The following DIMT1 variants were observed in gnomAD, a reference collection of about 807,000 sequenced individuals.
The protein encoded by DIMT1 is dimethyladenosine transferase.
In DIMT1, 36 loss-of-function variants were observed where a neutral mutation model predicts 43.2. The ratio of observed to expected loss-of-function variants is 0.83; its 90% CI spans 0.64 to 1.10. The LOEUF (loss-of-function observed/expected upper bound fraction) is 1.10, where lower values mean the gene tolerates loss of function less well. Ranked by LOEUF, DIMT1 falls within the 50% of genes least tolerant of loss-of-function variation. DIMT1 has a pLI of 0.00. For missense variants in DIMT1, 341 were observed against 385.3 expected (o/e 0.88, Z 0.96); for synonymous variants, 126 against 130.3 (o/e 0.97, Z 0.22).
At chr5:62,403,171 C>T in intron 2 of DIMT1, 102 bp downstream of exon 2, 1 of 1,000,290 alleles carries the variant, frequency 1.0e-6, no homozygotes, top group Non-Finnish European at 1.5e-6. Context: ...CAAATATTTA[C>T]AGAGCATCTA....
At chr5:62,402,220 A>G in intron 2 of DIMT1, 98 bp from the exon 3 acceptor site, 1 of 1,196,618 alleles carries the variant, frequency 8.4e-7, no homozygotes, top group Non-Finnish European at 1.2e-6. Context: ...CTCCGATAAG[A>G]GCTCTTAATC....
chr5:62,403,824 G>A lies in DIMT1; in HGVS notation c.-52C>T, dbSNP rs1263926265. On this transcript the variant is annotated 5_prime_UTR_variant, in exon 1 of 12. Coordinates refer to ENST00000199320, the MANE Select transcript of DIMT1 (RefSeq NM_014473.4). ...CGGGACGTCAAGGAGGACCAAAGAG[G>A]GCTAGCGTGAGAAAGCCACCACGTG... 6 of 1,573,792 alleles carry A rather than the reference G, an allele frequency of 3.8e-6. No homozygotes were observed. The highest frequency in any genetic ancestry group is 5.2e-6 in the Non-Finnish European group (6 of 1,156,480).
intron 6 of DIMT1, among the ~76,000 whole-genome samples, chr5:62,396,486 C>T (rs1742501311): frequency 6.6e-6 from 1 of 152,032 alleles, no homozygotes; most frequent in African/African-American, 2.4e-5. Flanking sequence ...CCAGCCCGGG[C>T]ACCAGAGCAA....
chr5:62,403,701 G>T lies in DIMT1; in HGVS notation c.72C>A (p.Ser24Arg), dbSNP rs561876588. 1 of 1,608,558 alleles carries T rather than the reference G, an allele frequency of 6.2e-7. No individual in the cohort carries two copies. The highest frequency in any genetic ancestry group is 1.7e-5 in the Admixed American group (1 of 59,528). The part of the protein sequence containing the change: ...GRQEQRRELK[S>R]AGGLMFNTGI... Reference sequence around the variant, plus strand: ...CCTCGCGGGGATCCGCACCTCCAGCGCTCTTCAGCTCCCGGCGCTGCTCCT... The same window carrying T: ...CCTCGCGGGGATCCGCACCTCCAGCTCTCTTCAGCTCCCGGCGCTGCTCCT... The change falls in exon 1 of 12, where the codon AGC (serine) becomes AGA (arginine). Residue 24 changes from serine to arginine, a missense_variant. Physicochemically the swap from Ser to Arg is moderately radical, Grantham distance 110. Transcript: ENST00000199320.
intron 3 of DIMT1, among the ~76,000 whole-genome samples, chr5:62,399,926 C>A (rs1241741990): frequency 6.6e-6 from 1 of 152,014 alleles, no homozygotes; most frequent in Non-Finnish European, 1.5e-5. Flanking sequence ...AACAAACAAA[C>A]AAACACCACC....
Position 62,402,121 on chromosome 5 carries a change from GC to G in DIMT1, c.154del (p.Ala52LeufsTer3). The G allele has an allele frequency of 4.3e-6, 7 of 1,613,672 alleles. No homozygotes were observed. Among genetic ancestry groups the G allele is most frequent in the Non-Finnish European group, 5.9e-6 (7 of 1,179,796 alleles). ...PLIINSIIDK[A>X]ALRPTDVVLE... ...CACTACATCAGTTGGTCTTAAGGCA[GC>G]CTAAAAGCAAGCACAAACACTTTAG... On this transcript the variant is annotated frameshift_variant and splice_region_variant, in exon 3 of 12. Coordinates refer to ENST00000199320, the MANE Select transcript of DIMT1 (RefSeq NM_014473.4). LOFTEE classifies it high-confidence loss of function.
Position 62,390,092 on chromosome 5 carries a change from A to C in DIMT1, c.899+784T>G, listed in dbSNP as rs998976174. On this transcript the variant is annotated intron_variant, in intron 11 of 11. Transcript: ENST00000199320. ...CTGTGTTTCCAGCTTAGAAAAAGTC[A>C]AACCAATGACTTTTAGAACAATCTA... Among the ~76,000 whole-genome samples, 3 of 152,216 alleles carry C rather than the reference A, an allele frequency of 2.0e-5. No individual in the cohort carries two copies. In the East Asian group the frequency reaches 5.8e-4, roughly 29 times the overall value.
rs1742092131 is a variant in DIMT1 at position 62,387,535 on chromosome 5, G to C, written c.*1475C>G. 6.6e-6 allele frequency: 1 copy of C among 152,048 alleles called. No individual in the cohort carries two copies. The highest frequency in any genetic ancestry group is 6.6e-5 in the Admixed American group (1 of 15,260). 9.4% of individuals were successfully genotyped at this position (152,048 alleles called of 1,614,324 possible). The stretch of plus-strand genomic sequence containing the variant: ...TTCTGATCAGGTATTTTAAAAATTA[G>C]TACCAGAAAAGATACTGGAGGTAAT... On this transcript the variant is annotated 3_prime_UTR_variant, in exon 12 of 12. Coordinates refer to ENST00000199320, the MANE Select transcript of DIMT1 (RefSeq NM_014473.4).
At chr5:62,389,164 C>T in intron 11 of DIMT1, 112 bp from the exon 12 acceptor site, 1 of 874,228 alleles carries the variant, frequency 1.1e-6, no homozygotes, top group Non-Finnish European at 1.8e-6. Flanking sequence ...GCTTACAGAG[C>T]CCACCCACTC....
At chr5:62,399,663 G>A (rs1742628679) in intron 3 of DIMT1, among the ~76,000 whole-genome samples, 1 of 148,522 alleles carries the variant, frequency 6.7e-6, no homozygotes, top group Non-Finnish European at 1.5e-5. Context: ...AAAAAGCCGG[G>A]TGTGAGGCTG....
chr5:62,394,133 C>A, intron 7 of DIMT1, 86 bp from the exon 8 acceptor site: 1 of 1,228,402 alleles, frequency 8.1e-7, no homozygotes. Flanking sequence ...GAAGGCACAA[C>A]TGGATGCTCA....
At chr5:62,396,154 A>ATTTTT (rs1354997233) in intron 6 of DIMT1, among the ~76,000 whole-genome samples, 1 of 41,506 alleles carries the variant, frequency 2.4e-5, no homozygotes. Context: ...TTTTTTTTAC[A>ATTTTT]TTATTAACTG....
rs1183672507 is a variant in DIMT1 at position 62,387,466 on chromosome 5, TCTC to T, written c.*1541_*1543del. On this transcript the variant is annotated 3_prime_UTR_variant, in exon 12 of 12. Coordinates refer to ENST00000199320, the MANE Select transcript of DIMT1 (RefSeq NM_014473.4). Reference sequence around the variant, plus strand: ...TTGGATGGGTACTGTCTTTGGAAAGTCTCCTTATAGACAAATATGCTGCCTTAC... The same window carrying T: ...TTGGATGGGTACTGTCTTTGGAAAGTCTTATAGACAAATATGCTGCCTTAC... 4 of 152,192 alleles carry T rather than the reference TCTC, an allele frequency of 2.6e-5. No individual in the cohort carries two copies. Among genetic ancestry groups the T allele is most frequent in the Non-Finnish European group, 2.9e-5 (2 of 68,018 alleles). 9.4% of individuals were successfully genotyped at this position (152,192 alleles called of 1,614,324 possible). A position where few individuals can be genotyped will look rare whatever the true frequency, so the allele number is the denominator to read the frequency against.
chr5:62,393,630 CTTCT>C (rs752041876), intron 8 of DIMT1, among the ~76,000 whole-genome samples: 30 of 152,264 alleles, frequency 2.0e-4, no homozygotes, highest in Non-Finnish European at 4.0e-4. Flanking sequence ...ATCAAGTGGT[CTTCT>C]TTCTTGTTTT....
rs1321580038 is a variant in DIMT1 at position 62,387,652 on chromosome 5, C to T, written c.*1358G>A. On this transcript the variant is annotated 3_prime_UTR_variant, in exon 12 of 12. Coordinates refer to ENST00000199320, the MANE Select transcript of DIMT1 (RefSeq NM_014473.4). ...AGTTCATAGGGGTAGAGGGAAATAA[C>T]CTGAGAAAGCCGAGTTAAATCTTAA... 1.3e-5 allele frequency: 2 copies of T among 151,998 alleles called. No homozygotes were observed. The highest frequency in any genetic ancestry group is 2.9e-5 in the Non-Finnish European group (2 of 67,994). 9.4% of individuals were successfully genotyped at this position (151,998 alleles called of 1,614,324 possible).
chr5:62,399,327 AC>A (rs1164397586), intron 3 of DIMT1, among the ~76,000 whole-genome samples: 1 of 152,118 alleles, frequency 6.6e-6, no homozygotes, highest in Non-Finnish European at 1.5e-5. Flanking sequence ...TTAGCTGGGT[AC>A]AGTGATGGGC....
At chr5:62,396,828 A>G (rs569223754) in intron 6 of DIMT1, among the ~76,000 whole-genome samples, 1 of 152,260 alleles carries the variant, frequency 6.6e-6, no homozygotes, top group South Asian at 2.1e-4. Context: ...CTTTGACTGG[A>G]GCCACTCCGT....
At chr5:62,398,230 C>A (rs1033469750) in intron 6 of DIMT1, among the ~76,000 whole-genome samples, 5 of 152,120 alleles carry the variant, frequency 3.3e-5, no homozygotes, top group Admixed American at 1.3e-4. Flanking sequence ...GAAACCACTG[C>A]AATTGTCTAG....
At chr5:62,399,741 C>CA (rs1742632559) in intron 3 of DIMT1, among the ~76,000 whole-genome samples, 1 of 150,442 alleles carries the variant, frequency 6.6e-6, no homozygotes, top group African/African-American at 2.5e-5. Context: ...TCTGTCTCTA[C>CA]TAACAAATTC....
Sources: allele counts gnomAD v4.1 joint callset (sites outside exome capture counted in the v4.1 genomes callset), GRCh38; gene constraint gnomAD v4.1.1; transcripts MANE v1.5; gene names NCBI Gene and HGNC (gene_info 2026-07-23, HGNC 2026-07-21).